The following BCL2L11 variants were observed in gnomAD, a reference collection of about 807,000 sequenced individuals.
The protein encoded by BCL2L11 is bcl-2-like protein 11.
BCL2L11 carries 15 observed loss-of-function variants against 20.6 expected under a neutral mutation model. The observed-to-expected ratio is 0.73, with a 90% CI of 0.49 to 1.12. The LOEUF is 1.12. Ranked by LOEUF, BCL2L11 falls within the 50% of genes most tolerant of loss-of-function variation. The pLI is 0.00. For missense variants in BCL2L11, 292 were observed against 260.9 expected (o/e 1.12, Z -0.82); for synonymous variants, 108 against 92.8 (o/e 1.16, Z -0.94).
intron 2 of BCL2L11, among the ~76,000 whole-genome samples, chr2:111,138,923 C>T (rs1313951590): frequency 3.3e-5 from 5 of 152,122 alleles, no homozygotes; most frequent in South Asian, 4.2e-4. Context: ...GGTAGAAACT[C>T]GCACAGGAAT....
chr2:111,128,812 A>G (rs1433547606), intron 2 of BCL2L11: 1 of 1,472,170 alleles, frequency 6.8e-7, no homozygotes, highest in African/African-American at 1.5e-5. Context: ...TCATATGGTC[A>G]TTGGTGATTA....
intron 1 of BCL2L11, chr2:111,123,487 T>C: frequency 1.0e-6 from 1 of 985,478 alleles, no homozygotes; most frequent in Non-Finnish European, 1.2e-6. Context: ...CATGTGTGTG[T>C]GCACCAGTTC....
intron 2 of BCL2L11, among the ~76,000 whole-genome samples, chr2:111,142,650 T>C (rs948283535): frequency 2.6e-5 from 4 of 152,236 alleles, no homozygotes; most frequent in African/African-American, 9.6e-5. Context: ...ATTTTTTACC[T>C]GTGTCTTGGT....
chr2:111,128,799 T>A, intron 2 of BCL2L11: 1 of 1,521,128 alleles, frequency 6.6e-7, no homozygotes, highest in Non-Finnish European at 8.8e-7. Context: ...CTTGAGCATT[T>A]TGTCATATGG....
intron 2 of BCL2L11, among the ~76,000 whole-genome samples, chr2:111,130,704 T>G (rs182033237): frequency 6.6e-6 from 1 of 152,208 alleles, no homozygotes; most frequent in South Asian, 2.1e-4. Flanking sequence ...GGGAAAGCTT[T>G]CTGTTTTTAA....
intron 2 of BCL2L11, among the ~76,000 whole-genome samples, chr2:111,126,516 T>G (rs993907497): frequency 1.3e-5 from 2 of 152,094 alleles, no homozygotes; most frequent in African/African-American, 4.8e-5. Flanking sequence ...GAGATTTGTT[T>G]TGGGAGAGGA....
intron 3 of BCL2L11, among the ~76,000 whole-genome samples, chr2:111,157,721 A>G (rs1477475750): frequency 1.3e-5 from 2 of 152,246 alleles, no homozygotes; most frequent in Admixed American, 6.5e-5. Context: ...TTGTGTCACA[A>G]TAAGCCTTAA....
chr2:111,138,008 C>A (rs928305727), intron 2 of BCL2L11, among the ~76,000 whole-genome samples: 9 of 134,632 alleles, frequency 6.7e-5, no homozygotes, highest in Non-Finnish European at 4.7e-5. Flanking sequence ...TTCTTTCTTT[C>A]TTTCTTTTTT....
chr2:111,164,221 G>C lies in BCL2L11; in HGVS notation c.587G>C (p.Arg196Thr), dbSNP rs2078916026. 6.2e-7 allele frequency: 1 copy of C among 1,609,786 alleles called. No homozygotes were observed. The highest frequency in any genetic ancestry group is 8.5e-7 in the Non-Finnish European group (1 of 1,176,008). Residue 196 changes from arginine (R) to threonine (T), a missense_variant, in exon 4 of 4, where the codon AGA (arginine) becomes ACA (threonine). Physicochemically the swap from Arg to Thr is moderately conservative, Grantham distance 71 (BLOSUM62 -1). Transcript: ENST00000393256. ...LLRYIVRLVW[R>T]MH ...CGTTACATTGTCCGCCTGGTGTGGA[G>C]AATGCATTGACAGGTTCTTTGCGGA...
Position 111,164,342 on chromosome 2 carries a change from G to C in BCL2L11, c.*111G>C. ...TTATTATGCAGCCAGCGGTTCTCTTGTGGAGGGGGCAGGTGACGTTTCAGA... is the reference window on the plus strand; with the variant it reads ...TTATTATGCAGCCAGCGGTTCTCTTCTGGAGGGGGCAGGTGACGTTTCAGA... On this transcript the variant is annotated 3_prime_UTR_variant, in exon 4 of 4. Coordinates refer to ENST00000393256, the MANE Select transcript of BCL2L11 (RefSeq NM_138621.5). The C allele has an allele frequency of 1.3e-6, 1 of 796,416 alleles. No individual in the cohort carries two copies. The highest frequency in any genetic ancestry group is 2.2e-6 in the Non-Finnish European group (1 of 453,888). 49.3% of individuals were successfully genotyped at this position (796,416 alleles called of 1,614,324 possible). A position where few individuals can be genotyped will look rare whatever the true frequency, so the allele number is the denominator to read the frequency against.
At chr2:111,153,577 A>G (rs1006083670) in intron 3 of BCL2L11, among the ~76,000 whole-genome samples, 7 of 152,144 alleles carry the variant, frequency 4.6e-5, no homozygotes, top group Admixed American at 1.3e-4. Flanking sequence ...AATGAATTCA[A>G]ATTACCTGCT....
chr2:111,139,650 T>C (rs975424563), intron 2 of BCL2L11, among the ~76,000 whole-genome samples: 1 of 152,218 alleles, frequency 6.6e-6, no homozygotes, highest in Non-Finnish European at 1.5e-5. Flanking sequence ...CTTGGTAACC[T>C]TTTTTCACAC....
intron 2 of BCL2L11, among the ~76,000 whole-genome samples, chr2:111,134,679 TC>T (rs1178864292): frequency 6.6e-6 from 1 of 152,200 alleles, no homozygotes; most frequent in African/African-American, 2.4e-5. Flanking sequence ...TTAGAGAACT[TC>T]CTTAGTTCTT....
At chr2:111,123,476 G>A (rs1264790047) in intron 1 of BCL2L11, 1 of 985,326 alleles carries the variant, frequency 1.0e-6, no homozygotes, top group Admixed American at 6.1e-5. Flanking sequence ...CTCTGGAAAC[G>A]CATGTGTGTG....
At position 111,160,769 on chromosome 2, in the gene BCL2L11, C is replaced by T. The variant is rs114813592; in HGVS notation, c.499-3364C>T. The stretch of plus-strand genomic sequence containing the variant: ...TTTGGTCTTTAAAAATAATCTCCTT[C>T]ACCCAAATGAGTTGTTATACCTTTC... On this transcript the variant is annotated intron_variant, in intron 3 of 3. Coordinates refer to ENST00000393256, the MANE Select transcript of BCL2L11 (RefSeq NM_138621.5). 7.8e-3 allele frequency among the ~76,000 whole-genome samples: 1,188 copies of T among 152,308 alleles called. 9 individuals are homozygous for T. Among genetic ancestry groups the T allele is most frequent in the Non-Finnish European group, 0.011 (721 of 68,026 alleles).
At chr2:111,129,431 A>C (rs1318839017) in intron 2 of BCL2L11, among the ~76,000 whole-genome samples, 1 of 152,240 alleles carries the variant, frequency 6.6e-6, no homozygotes, top group East Asian at 1.9e-4. Context: ...TTTTAAATTT[A>C]CATCTTAAAA....
chr2:111,147,327 A>C (rs975762194), intron 2 of BCL2L11, among the ~76,000 whole-genome samples: 5 of 125,912 alleles, frequency 4.0e-5, no homozygotes, highest in Admixed American at 7.8e-5. Context: ...AGCCTCCTGT[A>C]TCTCTCTCTC....
intron 3 of BCL2L11, 73 bp downstream of exon 3, chr2:111,150,220 G>T: frequency 6.5e-7 from 1 of 1,548,494 alleles, no homozygotes; most frequent in Non-Finnish European, 8.7e-7. Flanking sequence ...TAAAAAGACA[G>T]TGACTTCTTG....
At chr2:111,142,071 G>T (rs1407156151) in intron 2 of BCL2L11, among the ~76,000 whole-genome samples, 4 of 152,186 alleles carry the variant, frequency 2.6e-5, no homozygotes, top group Admixed American at 2.6e-4. Flanking sequence ...CTGGGCAGCA[G>T]CCGTGTCTGC....
Sources: allele counts gnomAD v4.1 joint callset (sites outside exome capture counted in the v4.1 genomes callset), GRCh38; gene constraint gnomAD v4.1.1; transcripts MANE v1.5; gene names NCBI Gene and HGNC (gene_info 2026-07-23, HGNC 2026-07-21).